ANKRD45: variants seen among roughly 807,000 people sequenced by gnomAD.
ANKRD45 encodes the protein ankyrin repeat domain-containing protein 45.
ANKRD45 carries 21 observed loss-of-function variants against 28.1 expected under a neutral mutation model. That is an observed-to-expected ratio of 0.75 (90% CI 0.53 to 1.08). The LOEUF (loss-of-function observed/expected upper bound fraction) is 1.08. Ranked by LOEUF, ANKRD45 falls within the 50% of genes least tolerant of loss-of-function variation. The probability of loss-of-function intolerance (pLI) is 0.00; values close to 1 mark genes in which losing one functional copy is unlikely to be tolerated. For missense variants in ANKRD45, 261 were observed against 308.7 expected, an observed-to-expected ratio of 0.85 and a Z score of 1.16; for synonymous variants, 86 against 103.9, an observed-to-expected ratio of 0.83 and a Z score of 1.05.
At chr1:173,646,262 A>C (rs2102359320) in intron 3 of ANKRD45, among the ~76,000 whole-genome samples, 1 of 152,348 alleles carries the variant, frequency 6.6e-6, no homozygotes, top group Non-Finnish European at 1.5e-5. Flanking sequence ...AGAAAAGTAC[A>C]AAAACCATGC....
intron 3 of ANKRD45, chr1:173,636,815 T>C: frequency 5.2e-6 from 8 of 1,526,082 alleles, no homozygotes; most frequent in Non-Finnish European, 7.0e-6. Flanking sequence ...TGTATTGTTT[T>C]TCTCCTTTTA....
intron 3 of ANKRD45, chr1:173,635,728 G>A (rs1668405455): frequency 6.5e-7 from 1 of 1,535,362 alleles, no homozygotes; most frequent in African/African-American, 1.4e-5. Flanking sequence ...TTGCTAACAT[G>A]GATATATTTC....
At position 173,642,973 on chromosome 1, in the gene ANKRD45, C is replaced by G. The variant is rs567927706; in HGVS notation, c.496+3873G>C. On this transcript the variant is annotated intron_variant, in intron 3 of 5. Coordinates refer to ENST00000333279, the MANE Select transcript of ANKRD45 (RefSeq NM_198493.3). ...ACCCTTTCTGCAGAAAGTAAACTAG[C>G]CTTGCTGAGAGATCCTTTGTCTCAG... Among the ~76,000 whole-genome samples the G allele has an allele frequency of 1.2e-4, 19 of 152,280 alleles. No homozygotes were observed. In the South Asian group the frequency reaches 3.9e-3, roughly 32 times the overall value.
the ANKRD45 span, among the ~76,000 whole-genome samples, chr1:173,691,565 C>G: frequency 1.3e-5 from 2 of 152,174 alleles, no homozygotes; most frequent in Non-Finnish European, 1.5e-5. Flanking sequence ...ATGGGTGGAT[C>G]ACGAGGTCAG....
chr1:173,659,441 CAAAAAAAT>C lies in ANKRD45; in HGVS notation c.-15-16_-15-9del, dbSNP rs766425593. On this transcript the variant is annotated splice_polypyrimidine_tract_variant and intron_variant, in intron 1 of 5. Transcript: ENST00000333279. The stretch of plus-strand genomic sequence containing the variant: ...CATTAACTCCAAAAATACCTATGAC[CAAAAAAAT>C]AAAAAAGTGATAAAAATCTACTCAA... 6.7e-7 allele frequency: 1 copy of C among 1,492,152 alleles called. No homozygotes were observed. The highest frequency in any genetic ancestry group is 2.3e-5 in the East Asian group (1 of 43,692). The allele number at this position is 1,492,152 out of a possible 1,614,324, so 92.4% of individuals were successfully genotyped here. A position where few individuals can be genotyped will look rare whatever the true frequency, so the allele number is the denominator to read the frequency against.
chr1:173,633,082 A>G (rs1183540954), intron 3 of ANKRD45, among the ~76,000 whole-genome samples: 1 of 152,080 alleles, frequency 6.6e-6, no homozygotes, highest in Non-Finnish European at 1.5e-5. Context: ...ATATAATTTT[A>G]TATTTGGAAA....
chr1:173,632,273 G>A (rs1463765132), intron 3 of ANKRD45, among the ~76,000 whole-genome samples: 1 of 151,768 alleles, frequency 6.6e-6, no homozygotes, highest in Non-Finnish European at 1.5e-5. Context: ...CATACAACCT[G>A]CAAGTTTAAA....
intron 1 of ANKRD45, among the ~76,000 whole-genome samples, chr1:173,666,434 C>T (rs893796608): frequency 2.6e-5 from 4 of 152,102 alleles, no homozygotes; most frequent in African/African-American, 9.7e-5. Flanking sequence ...CTGTAGATAC[C>T]AAAATCCATG....
intron 3 of ANKRD45, chr1:173,635,837 C>G (rs1216776455): frequency 6.6e-7 from 1 of 1,517,736 alleles, no homozygotes; most frequent in Admixed American, 2.1e-5. Flanking sequence ...GAAGAAACAC[C>G]AAAAAAAGGT....
intron 1 of ANKRD45, among the ~76,000 whole-genome samples, chr1:173,667,901 A>G (rs1670093977): frequency 6.6e-6 from 1 of 152,220 alleles, no homozygotes; most frequent in African/African-American, 2.4e-5. Context: ...AGACATAAGA[A>G]TCTGTCTCCC....
chr1:173,686,944 T>A, the ANKRD45 span, among the ~76,000 whole-genome samples: 1 of 152,188 alleles, frequency 6.6e-6, no homozygotes, highest in African/African-American at 2.4e-5. Context: ...TTTTTTAACC[T>A]TTTATAATTT....
chr1:173,662,242 G>A (rs1042389834), intron 1 of ANKRD45, among the ~76,000 whole-genome samples: 7 of 152,168 alleles, frequency 4.6e-5, no homozygotes, highest in Non-Finnish European at 8.8e-5. Flanking sequence ...GTCCTAAAGA[G>A]TGCTGAAAGA....
intron 3 of ANKRD45, among the ~76,000 whole-genome samples, chr1:173,629,180 A>G (rs1157310170): frequency 6.6e-6 from 1 of 152,220 alleles, no homozygotes; most frequent in African/African-American, 2.4e-5. Flanking sequence ...CAAGAAGGAC[A>G]GGTACAAACA....
Position 173,610,163 on chromosome 1 carries a change from T to G in ANKRD45, c.783A>C (p.Gln261His), listed in dbSNP as rs1407075714. Residue 261 changes from glutamine to histidine, a missense_variant, in exon 6 of 6, where the codon CAA (glutamine) becomes CAC (histidine). Coordinates refer to ENST00000333279, the MANE Select transcript of ANKRD45 (RefSeq NM_198493.3). ...CGTATGTTCAGTTGGAGGTATCATC[T>G]TGACTTCTCTTCTGGTCATGGCTTG... ...SVTSHDQKRSQDDTSN is the reference protein window; with the variant it reads ...SVTSHDQKRSHDDTSN 1 of 1,614,218 alleles carries G rather than the reference T, an allele frequency of 6.2e-7. No homozygotes were observed.
chr1:173,624,492 G>GAAAA (rs79337715), intron 5 of ANKRD45, among the ~76,000 whole-genome samples: 1 of 132,134 alleles, frequency 7.6e-6, no homozygotes, highest in Non-Finnish European at 1.7e-5. Flanking sequence ...GCCTCCGGGG[G>GAAAA]AAAAAAAAAA....
intron 5 of ANKRD45, among the ~76,000 whole-genome samples, chr1:173,619,308 T>C (rs1443101231): frequency 2.6e-5 from 4 of 152,222 alleles, no homozygotes; most frequent in East Asian, 3.9e-4. Flanking sequence ...TAAATGTAAA[T>C]GGGCTAAATG....
intron 1 of ANKRD45, chr1:173,667,714 AAAAG>A (rs916629766): frequency 5.0e-5 from 22 of 438,984 alleles, no homozygotes; most frequent in African/African-American, 4.1e-4. Flanking sequence ...CTTAAAAAAA[AAAAG>A]AAAGAAAAAG....
At chr1:173,701,921 TAA>T in the ANKRD45 span, among the ~76,000 whole-genome samples, 2 of 151,986 alleles carry the variant, frequency 1.3e-5, no homozygotes, top group Non-Finnish European at 2.9e-5. Flanking sequence ...AATAATAATA[TAA>T]GATAGAGTGA....
chr1:173,669,313 G>C (rs1670154001), intron 1 of ANKRD45: 7 of 405,508 alleles, frequency 1.7e-5, no homozygotes, highest in South Asian at 1.3e-4. Flanking sequence ...CATAAACAAA[G>C]GGCAAGGAGG....
Sources: allele counts gnomAD v4.1 joint callset (sites outside exome capture counted in the v4.1 genomes callset), GRCh38; gene constraint gnomAD v4.1.1; transcripts MANE v1.5; gene names NCBI Gene and HGNC (gene_info 2026-07-23, HGNC 2026-07-21).